Variants in HID1 observed in about 807,000 individuals in gnomAD.
HID1 encodes protein HID1.
Under a neutral mutation model 89.7 loss-of-function variants are expected in HID1, and 42 were observed. The ratio of observed to expected loss-of-function variants is 0.47; its 90% CI spans 0.37 to 0.61. HID1 has a LOEUF of 0.61. Among genes scored for constraint, HID1 ranks in the 20% least tolerant of loss-of-function variants. HID1 has a pLI of 0.00. For synonymous variants in HID1, 442 were observed against 433.8 expected (o/e 1.02, Z -0.24); for missense variants, 854 against 1,039.3 (o/e 0.82, Z 2.45).
Position 74,958,070 on chromosome 17 carries a change from A to G in HID1, c.1471+71T>C, listed in dbSNP as rs545430936. On this transcript the variant is annotated intron_variant, in intron 12 of 18. Transcript: ENST00000425042. The surrounding 1 kb of genome is among the most constrained non-coding windows in gnomAD (Gnocchi z 5.2). ...CTGGAGGGGCTTGAAACCTGGAGCA[A>G]GTGGCAGGTTGGCCTGTGGCCTGAC... 3 of 1,387,024 alleles carry G rather than the reference A, an allele frequency of 2.2e-6. No individual in the cohort carries two copies. The Admixed American group carries it at 5.9e-5, about 27-fold the overall frequency. The allele number at this position is 1,387,024 out of a possible 1,614,324, so 85.9% of individuals were successfully genotyped here.
At position 74,972,687 on chromosome 17, in the gene HID1, G is replaced by A. The variant is rs1445834134; in HGVS notation, c.-31C>T. 1 of 1,523,996 alleles carries A rather than the reference G, an allele frequency of 6.6e-7. No homozygotes were observed. The highest frequency in any genetic ancestry group is 8.8e-7 in the Non-Finnish European group (1 of 1,133,694). 94.4% of individuals were successfully genotyped at this position (1,523,996 alleles called of 1,614,324 possible). ...TGGAGCCCGCTCCGGCCCGGCCCCC[G>A]CCCAGACTCCAACCCGGCTCCGGCT... is the stretch of plus-strand genomic sequence containing the variant. On this transcript the variant is annotated 5_prime_UTR_variant, in exon 1 of 19. Transcript: ENST00000425042. The surrounding 1 kb of genome is among the most constrained non-coding windows in gnomAD (Gnocchi z 6.4).
At position 74,959,075 on chromosome 17, in the gene HID1, G is replaced by A. The variant is rs1433185922; in HGVS notation, c.1009-24C>T. ...TCCTGGGGGCGAGGGCAGAGCAGGG[G>A]GCCTGTCCAGCCCAATCCCTGCAGC... On this transcript the variant is annotated intron_variant, in intron 8 of 18. Coordinates refer to ENST00000425042, the MANE Select transcript of HID1 (RefSeq NM_030630.3). This position sits in a 1 kb window ranked among gnomAD's most constrained non-coding sequence, Gnocchi z 4.6. The A allele has an allele frequency of 5.9e-6, 9 of 1,528,660 alleles. No individual in the cohort carries two copies. 94.7% of individuals were successfully genotyped at this position (1,528,660 alleles called of 1,614,324 possible). A position where few individuals can be genotyped will look rare whatever the true frequency, so the allele number is the denominator to read the frequency against.
intron 1 of HID1, among the ~76,000 whole-genome samples, chr17:74,967,327 T>C (rs1598635240): frequency 6.7e-6 from 1 of 149,776 alleles, no homozygotes. Context: ...GCTCACGAGG[T>C]CAGGAGTTTG....
intron 15 of HID1, 55 bp from the exon 16 acceptor site, chr17:74,953,141 A>T: frequency 1.7e-4 from 189 of 1,135,234 alleles, no homozygotes; most frequent in Non-Finnish European, 2.3e-4. Flanking sequence ...TGAGGGGTGG[A>T]GTGGGGGGCA....
rs532485268 is a variant in HID1 at position 74,953,380 on chromosome 17, C to T, written c.1971+165G>A. 5.5e-4 allele frequency among the ~76,000 whole-genome samples: 84 copies of T among 152,280 alleles called. 1 individual carries two copies. Among genetic ancestry groups the T allele is most frequent in the Non-Finnish European group, 9.4e-4 (64 of 67,996 alleles). The stretch of plus-strand genomic sequence containing the variant: ...AAGGGAGGGGTCTGTGAAAGGCCCC[C>T]ACCCCCAAGGGAGTCAGCAGCGCTG... On this transcript the variant is annotated intron_variant, in intron 15 of 18. Transcript: ENST00000425042.
chr17:74,961,819 T>C, intron 6 of HID1, 54 bp downstream of exon 6: 1 of 1,157,628 alleles, frequency 8.6e-7, no homozygotes, highest in Non-Finnish European at 1.2e-6. Context: ...GACTCAGCTC[T>C]GGATTGCCTG....
chr17:74,955,739 G>A (rs1168597163), intron 13 of HID1, 53 bp downstream of exon 13: 3 of 1,567,986 alleles, frequency 1.9e-6, no homozygotes, highest in African/African-American at 2.7e-5. Context: ...CCTTATGTAG[G>A]AAGTAGGCCC....
chr17:74,954,075 G>T, intron 14 of HID1, 63 bp downstream of exon 14: 1 of 1,448,042 alleles, frequency 6.9e-7, no homozygotes, highest in South Asian at 1.2e-5. Flanking sequence ...GACACCCCGA[G>T]ACCATGTCCC....
chr17:74,972,579 C>T lies in HID1; in HGVS notation c.66+12G>A. ...GCAGGTGGATGGGGACGCCGGGGCC[C>T]CCGTGGCGCACCTGCGTCTTGGTGG... On this transcript the variant is annotated intron_variant, in intron 1 of 18. Coordinates refer to ENST00000425042, the MANE Select transcript of HID1 (RefSeq NM_030630.3). The surrounding 1 kb of genome is among the most constrained non-coding windows in gnomAD (Gnocchi z 6.4). 1 of 1,545,742 alleles carries T rather than the reference C, an allele frequency of 6.5e-7. No homozygotes were observed. Among genetic ancestry groups the T allele is most frequent in the Non-Finnish European group, 8.7e-7 (1 of 1,144,168 alleles).
Position 74,958,031 on chromosome 17 carries a change from G to A in HID1, c.1471+110C>T, listed in dbSNP as rs747348050. 46 of 934,340 alleles carry A rather than the reference G, an allele frequency of 4.9e-5. No homozygotes were observed. The highest frequency in any genetic ancestry group is 4.5e-4 in the South Asian group (30 of 66,886). 57.9% of individuals were successfully genotyped at this position (934,340 alleles called of 1,614,324 possible). ...TACTATGAAGGGTACACAAGCTTGCGTTCTTTCTGTGGGCTGGAGGGGCTT... is the reference window on the plus strand; with the variant it reads ...TACTATGAAGGGTACACAAGCTTGCATTCTTTCTGTGGGCTGGAGGGGCTT... On this transcript the variant is annotated intron_variant, in intron 12 of 18. Coordinates refer to ENST00000425042, the MANE Select transcript of HID1 (RefSeq NM_030630.3). The surrounding 1 kb of genome is among the most constrained non-coding windows in gnomAD (Gnocchi z 5.2).
In HID1 at chr17:74,960,212, G is replaced by A. The variant is rs376912909; in HGVS notation, c.765C>T (p.Thr255=). The stretch of plus-strand genomic sequence containing the variant: ...AGCCCACAGGGTCATAGGCACACAC[G>A]GTGTTGAGGAGGGAGGTGAAGAGGG... ...ALPLFTSLLN[T]VCAYDPVGYG... Residue 255 remains threonine (T), a synonymous_variant, in exon 7 of 19, where the codon ACC becomes ACT. Coordinates refer to ENST00000425042, the MANE Select transcript of HID1 (RefSeq NM_030630.3). 9.2e-5 allele frequency: 148 copies of A among 1,612,890 alleles called. 1 individual carries two copies. The highest frequency in any genetic ancestry group is 3.2e-4 in the South Asian group (29 of 91,090).
chr17:74,954,698 G>A (rs917961489), intron 13 of HID1: 34 of 379,604 alleles, frequency 9.0e-5, no homozygotes, highest in African/African-American at 6.3e-4. Context: ...CAGGCCAGCT[G>A]TTAAATATTC....
intron 15 of HID1, 150 bp from the exon 16 acceptor site, chr17:74,953,236 C>A (rs2039334173): frequency 1.4e-6 from 1 of 720,854 alleles, no homozygotes; most frequent in African/African-American, 1.8e-5. Context: ...TAGGCCCAGC[C>A]CAACCTAGTG....
intron 14 of HID1, 111 bp from the exon 15 acceptor site, chr17:74,953,762 C>T: frequency 1.2e-6 from 1 of 813,678 alleles, no homozygotes; most frequent in Non-Finnish European, 2.0e-6. Context: ...CCCTCTGGAA[C>T]CTCCACCGGC....
chr17:74,958,985 G>A lies in HID1; in HGVS notation c.1075C>T (p.Pro359Ser). The A allele has an allele frequency of 6.2e-7, 1 of 1,605,066 alleles. No homozygotes were observed. Among genetic ancestry groups the A allele is most frequent in the Non-Finnish European group, 8.5e-7 (1 of 1,177,152 alleles). Residue 359 changes from proline (P) to serine (S), a missense_variant, in exon 9 of 19, where the codon CCT becomes TCT. By Grantham distance (74) the Pro-to-Ser change is moderately conservative. Coordinates refer to ENST00000425042, the MANE Select transcript of HID1 (RefSeq NM_030630.3). This position sits in a 1 kb window ranked among gnomAD's most constrained non-coding sequence, Gnocchi z 5.2. ...LSNPLLQTYL[P>S]NSTKKIQFHQ... Reference sequence around the variant, plus strand: ...AACTGGATCTTCTTGGTGGAGTTAGGCAGGTAGGTCTGGAGCAGGGGGTTG... The same window carrying A: ...AACTGGATCTTCTTGGTGGAGTTAGACAGGTAGGTCTGGAGCAGGGGGTTG...
At chr17:74,969,325 A>G (rs960138193) in intron 1 of HID1, among the ~76,000 whole-genome samples, 3 of 151,654 alleles carry the variant, frequency 2.0e-5, no homozygotes, top group African/African-American at 7.3e-5. Context: ...CCCCGGGATT[A>G]CAGGCGCCTG....
At chr17:74,970,546 G>A (rs1245726445) in intron 1 of HID1, among the ~76,000 whole-genome samples, 1 of 152,180 alleles carries the variant, frequency 6.6e-6, no homozygotes, top group East Asian at 1.9e-4. Context: ...AGGAAACACA[G>A]CCAAAGCGGC....
intron 1 of HID1, chr17:74,970,555 G>T (rs1308700625): frequency 6.6e-6 from 1 of 152,354 alleles, no homozygotes; most frequent in African/African-American, 2.4e-5. Flanking sequence ...AGCCAAAGCG[G>T]CTGGCTCTTA....
rs796310606 is a variant in HID1 at position 74,951,171 on chromosome 17, T to G, written c.*399A>C. Reference sequence around the variant, plus strand: ...CACCCCCTTACCCTGTCCAGGCACCTCAAGGGACAGCCCGTGGTTCCCTGG... The same window carrying G: ...CACCCCCTTACCCTGTCCAGGCACCGCAAGGGACAGCCCGTGGTTCCCTGG... On this transcript the variant is annotated 3_prime_UTR_variant, in exon 19 of 19. Coordinates refer to ENST00000425042, the MANE Select transcript of HID1 (RefSeq NM_030630.3). The G allele has an allele frequency of 2.4e-5, 5 of 206,990 alleles. No homozygotes were observed. The highest frequency in any genetic ancestry group is 1.2e-4 in the African/African-American group (5 of 43,338). The allele number at this position is 206,990 out of a possible 1,614,324, so 12.8% of individuals were successfully genotyped here.
Sources: allele counts gnomAD v4.1 joint callset (sites outside exome capture counted in the v4.1 genomes callset), GRCh38; gene constraint gnomAD v4.1.1; non-coding constraint Gnocchi (gnomAD v3.1); transcripts MANE v1.5; gene names NCBI Gene and HGNC (gene_info 2026-07-23, HGNC 2026-07-21).